Variants in ELP4 observed in about 807,000 individuals in gnomAD.
ELP4 encodes elongator complex protein 4.
ELP4 carries 51 observed loss-of-function variants against 48.9 expected under a neutral mutation model. The ratio of observed to expected loss-of-function variants is 1.04; its 90% CI spans 0.83 to 1.32. The LOEUF (loss-of-function observed/expected upper bound fraction) is 1.32. Among genes scored for constraint, ELP4 ranks in the 40% most tolerant of loss-of-function variants. ELP4 has a pLI of 0.00. For synonymous variants in ELP4, 210 were observed against 189.2 expected (o/e 1.11, Z -0.90); for missense variants, 519 against 514.6 (o/e 1.01, Z -0.08).
chr11:31,712,781 A>G (rs923158260), intron 9 of ELP4, among the ~76,000 whole-genome samples: 2 of 152,190 alleles, frequency 1.3e-5, no homozygotes, highest in African/African-American at 4.8e-5. Context: ...AAAAACAGTA[A>G]CAAGATAATA....
In ELP4 at chr11:31,509,787, G is replaced by GGCGGCAGTGGCAACCT; in HGVS notation, c.8_23dup (p.Val10GlyfsTer5). ...GGGTTAACACTGGAGGCTCTAAGATGGCGGCAGTGGCAACCTGCGGTAGTG... is the reference window on the plus strand; with the variant it reads ...GGGTTAACACTGGAGGCTCTAAGATGGCGGCAGTGGCAACCTGCGGCAGTGGCAACCTGCGGTAGTG... On this transcript the variant is annotated frameshift_variant, in exon 1 of 10. Transcript: ENST00000640961. LOFTEE classifies it high-confidence loss of function. The GGCGGCAGTGGCAACCT allele has an allele frequency of 6.2e-7, 1 of 1,614,010 alleles. No homozygotes were observed. The highest frequency in any genetic ancestry group is 1.1e-5 in the South Asian group (1 of 91,052).
At chr11:31,758,870 G>A (rs1947885727) in intron 9 of ELP4, among the ~76,000 whole-genome samples, 1 of 151,972 alleles carries the variant, frequency 6.6e-6, no homozygotes, top group Non-Finnish European at 1.5e-5. Context: ...GTCTCACCAT[G>A]TTGCCCAAGC....
chr11:31,725,858 A>G (rs758945822), intron 9 of ELP4, among the ~76,000 whole-genome samples: 3 of 152,194 alleles, frequency 2.0e-5, no homozygotes, highest in Non-Finnish European at 2.9e-5. Flanking sequence ...TCCATCCTGT[A>G]AGCAACTACT....
intron 3 of ELP4, among the ~76,000 whole-genome samples, chr11:31,550,969 C>T (rs764604835): frequency 1.3e-5 from 2 of 152,100 alleles, no homozygotes; most frequent in Non-Finnish European, 2.9e-5. Flanking sequence ...CTTTTTCTTC[C>T]GGATCATACT....
chr11:31,653,350 C>T (rs1402016888), intron 9 of ELP4: 2 of 151,704 alleles, frequency 1.3e-5, no homozygotes, highest in African/African-American at 4.8e-5. Flanking sequence ...TATATAGTAA[C>T]AGTCTGGAGT....
At chr11:31,738,985 A>G (rs1307656018) in intron 9 of ELP4, among the ~76,000 whole-genome samples, 1 of 152,222 alleles carries the variant, frequency 6.6e-6, no homozygotes, top group Non-Finnish European at 1.5e-5. Context: ...CATAAGTTCT[A>G]GAGATCTGTG....
chr11:31,692,851 C>G (rs1946308738), intron 9 of ELP4, among the ~76,000 whole-genome samples: 1 of 152,130 alleles, frequency 6.6e-6, no homozygotes, highest in Admixed American at 6.6e-5. Flanking sequence ...CTCAGGGCTT[C>G]TATGATCCAC....
chr11:31,788,778 G>A lies in ELP4; in HGVS notation c.*5254G>A, dbSNP rs1348359473. 4 of 208,048 alleles carry A rather than the reference G, an allele frequency of 1.9e-5. No individual in the cohort carries two copies. Among genetic ancestry groups the A allele is most frequent in the Non-Finnish European group, 3.0e-5 (3 of 101,658 alleles). 12.9% of individuals were successfully genotyped at this position (208,048 alleles called of 1,614,324 possible). On this transcript the variant is annotated 3_prime_UTR_variant, in exon 10 of 10. Coordinates refer to ENST00000640961, the MANE Select transcript of ELP4 (RefSeq NM_019040.5). ...TGTAAGTGGAATTTTTTTCTAACACGTTTTTGATTTATGGTATCTATAAGG... is the reference window on the plus strand; with the variant it reads ...TGTAAGTGGAATTTTTTTCTAACACATTTTTGATTTATGGTATCTATAAGG...
At chr11:31,591,179 G>A (rs1382738085) in intron 3 of ELP4, among the ~76,000 whole-genome samples, 1 of 152,090 alleles carries the variant, frequency 6.6e-6, no homozygotes, top group East Asian at 1.9e-4. Context: ...GACCAAGGTG[G>A]GTGGATCACA....
At position 31,598,503 on chromosome 11, in the gene ELP4, C is replaced by CTTTTTTTTTTTTT. The variant is rs10702222; in HGVS notation, c.513+3612_513+3624dup. On this transcript the variant is annotated intron_variant, in intron 4 of 9. Coordinates refer to ENST00000640961, the MANE Select transcript of ELP4 (RefSeq NM_019040.5). ...TTTCCTTTTTTTTTCTTTTCTTCTT[C>CTTTTTTTTTTTTT]TTTTTTTTTTTTTTTTTTTTTTGAG... 9.6e-4 allele frequency among the ~76,000 whole-genome samples: 75 copies of CTTTTTTTTTTTTT among 77,728 alleles called. 1 individual carries two copies. The highest frequency in any genetic ancestry group is 1.1e-3 in the South Asian group (2 of 1,808). 51.0% of individuals were successfully genotyped at this position (77,728 alleles called of 152,430 possible). A position where few individuals can be genotyped will look rare whatever the true frequency, so the allele number is the denominator to read the frequency against.
chr11:31,559,231 C>T (rs1050319392), intron 3 of ELP4, among the ~76,000 whole-genome samples: 3 of 152,152 alleles, frequency 2.0e-5, no homozygotes, highest in Admixed American at 6.5e-5. Flanking sequence ...GGGGTGATTC[C>T]TTCAGTGGCT....
intron 3 of ELP4, among the ~76,000 whole-genome samples, chr11:31,566,108 A>G (rs1429567842): frequency 6.6e-6 from 1 of 152,142 alleles, no homozygotes; most frequent in Non-Finnish European, 1.5e-5. Context: ...GTGTAATCCT[A>G]GCACTTTGGA....
intron 3 of ELP4, among the ~76,000 whole-genome samples, chr11:31,569,956 T>G (rs1379523193): frequency 6.6e-6 from 1 of 152,170 alleles, no homozygotes; most frequent in African/African-American, 2.4e-5. Flanking sequence ...GTTTGGAGAT[T>G]TCCCAAAGAT....
At chr11:31,614,543 T>G (rs1268433701) in intron 5 of ELP4, among the ~76,000 whole-genome samples, 1 of 152,154 alleles carries the variant, frequency 6.6e-6, no homozygotes, top group Non-Finnish European at 1.5e-5. Context: ...TAAGATAACT[T>G]ACATAGCCAG....
intron 9 of ELP4, among the ~76,000 whole-genome samples, chr11:31,678,491 ATGTATGTG>A (rs1464649132): frequency 6.4e-5 from 3 of 46,520 alleles, no homozygotes; most frequent in East Asian, 1.2e-3. Context: ...GCATACATAT[ATGTATGTG>A]TGTGTGTGTG....
At chr11:31,551,133 A>G (rs1211520431) in intron 3 of ELP4, among the ~76,000 whole-genome samples, 2 of 152,198 alleles carry the variant, frequency 1.3e-5, no homozygotes, top group African/African-American at 4.8e-5. Context: ...AGTTTGCTCA[A>G]CTTTAATTTT....
At chr11:31,644,925 T>A (rs1227086333) in intron 7 of ELP4, among the ~76,000 whole-genome samples, 1 of 151,818 alleles carries the variant, frequency 6.6e-6, no homozygotes, top group East Asian at 1.9e-4. Flanking sequence ...TAGATGTTAT[T>A]CTTATGTAAT....
chr11:31,549,589 G>C (rs866033983), intron 3 of ELP4, among the ~76,000 whole-genome samples: 14 of 151,826 alleles, frequency 9.2e-5, no homozygotes, highest in African/African-American at 2.9e-4. Flanking sequence ...TGATTCCTCA[G>C]GGATCTAGAA....
rs1198784700 is a variant in ELP4 at position 31,783,422 on chromosome 11, C to T, written c.1173C>T (p.Asp391=). The change falls in exon 10 of 10, where the codon GAC becomes GAT. Residue 391 remains aspartate (D), a synonymous_variant. Coordinates refer to ENST00000640961, the MANE Select transcript of ELP4 (RefSeq NM_019040.5). ...ERLHLPPDLS[D]TVSRSSKMDL... ...TGCATTTGCCTCCAGACTTGTCAGA[C>T]ACAGTGAGCCGCTCAAGCAAAATGG... 1.2e-6 allele frequency: 2 copies of T among 1,613,936 alleles called. No homozygotes were observed. Among genetic ancestry groups the T allele is most frequent in the African/African-American group, 2.7e-5 (2 of 74,914 alleles).
Sources: gnomAD v4.1 joint callset for allele counts (sites outside exome capture counted in the v4.1 genomes callset) on GRCh38, gnomAD v4.1.1 for gene constraint, MANE v1.5 for transcripts, NCBI Gene and HGNC (gene_info 2026-07-23, HGNC 2026-07-21) for gene names.